BBX: variants seen among roughly 807,000 people sequenced by gnomAD.
BBX encodes the protein BBX high mobility group box domain containing, also known as HMG box transcription factor BBX.
BBX carries 30 observed loss-of-function variants against 100.2 expected under a neutral mutation model. That is an observed-to-expected ratio of 0.30 (90% confidence interval 0.22 to 0.41). BBX has a LOEUF of 0.41. Among genes scored for constraint, BBX ranks in the 10% least tolerant of loss-of-function variants. The pLI is 1.00. For synonymous variants in BBX, 376 were observed against 388.1 expected (o/e 0.97, Z 0.37); for missense variants, 1,023 against 1,129.8 (o/e 0.91, Z 1.35).
intron 2 of BBX, among the ~76,000 whole-genome samples, chr3:107,635,381 G>T (rs1360946044): frequency 1.3e-5 from 2 of 152,140 alleles, no homozygotes; most frequent in Non-Finnish European, 2.9e-5. Context: ...AATGAATTGT[G>T]TGCCACTGTC....
At chr3:107,622,123 A>C (rs534763640) in intron 2 of BBX, among the ~76,000 whole-genome samples, 2 of 152,118 alleles carry the variant, frequency 1.3e-5, no homozygotes, top group African/African-American at 4.8e-5. Context: ...ACCCCTGGCA[A>C]CCCCTGTTCT....
chr3:107,674,974 A>C (rs2059207812), intron 3 of BBX: 1 of 152,226 alleles, frequency 6.6e-6, no homozygotes, highest in Non-Finnish European at 1.5e-5. Flanking sequence ...GATTTAGCTA[A>C]GGCATGCTCC....
chr3:107,680,930 A>C (rs982347301), intron 3 of BBX, among the ~76,000 whole-genome samples: 1 of 152,180 alleles, frequency 6.6e-6, no homozygotes, highest in African/African-American at 2.4e-5. Context: ...CTAAACTTGC[A>C]GAAGTAGTGT....
intron 2 of BBX, among the ~76,000 whole-genome samples, chr3:107,561,619 T>C (rs2050505916): frequency 6.6e-6 from 1 of 152,148 alleles, no homozygotes; most frequent in South Asian, 2.1e-4. Context: ...TGCAGAATAA[T>C]TTTTACTTTA....
chr3:107,677,180 C>T (rs1481337935), intron 3 of BBX, among the ~76,000 whole-genome samples: 1 of 152,062 alleles, frequency 6.6e-6, no homozygotes, highest in Non-Finnish European at 1.5e-5. Flanking sequence ...GGGAAACTTG[C>T]TTTCATAACC....
chr3:107,765,382 A>G (rs1203394600), intron 10 of BBX, among the ~76,000 whole-genome samples: 8 of 152,268 alleles, frequency 5.3e-5, no homozygotes, highest in South Asian at 4.1e-4. Flanking sequence ...GAGCCTGTCT[A>G]TAGTCCTAGA....
rs1376408207 is a variant in BBX at position 107,695,877 on chromosome 3, C to T, written c.-9-14575C>T. Among the ~76,000 whole-genome samples, 11 of 151,782 alleles carry T rather than the reference C, an allele frequency of 7.2e-5. 1 individual carries two copies. Among genetic ancestry groups the T allele is most frequent in the African/African-American group, 2.4e-4 (10 of 41,064 alleles). On this transcript the variant is annotated intron_variant, in intron 3 of 17. Coordinates refer to ENST00000325805, the MANE Select transcript of BBX (RefSeq NM_001142568.3). ...AGGACTTGCTTTATGAAACTGGGTG[C>T]TCCTGTGTTGGGTGCATATATATTT... is the stretch of plus-strand genomic sequence containing the variant.
chr3:107,526,221 C>T, intron 1 of BBX, 106 bp from the exon 2 acceptor site: 1 of 397,656 alleles, frequency 2.5e-6, no homozygotes. Context: ...GGGAGCTGGA[C>T]TCCTGGGTTT....
At chr3:107,715,559 G>A (rs927673998) in intron 4 of BBX, among the ~76,000 whole-genome samples, 2 of 152,170 alleles carry the variant, frequency 1.3e-5, no homozygotes, top group East Asian at 3.8e-4. Flanking sequence ...GTGGACTTCT[G>A]TTTATAGTTA....
chr3:107,758,122 A>C (rs1477349694), intron 10 of BBX, among the ~76,000 whole-genome samples: 3 of 152,202 alleles, frequency 2.0e-5, no homozygotes, highest in African/African-American at 7.2e-5. Context: ...AAGAAGAGAT[A>C]TTAATTCTCA....
At chr3:107,660,292 G>A (rs1421891330) in intron 3 of BBX, among the ~76,000 whole-genome samples, 17 of 151,970 alleles carry the variant, frequency 1.1e-4, no homozygotes, top group Non-Finnish European at 2.9e-5. Flanking sequence ...AAAGATGTAA[G>A]GATTGCAACA....
intron 3 of BBX, among the ~76,000 whole-genome samples, chr3:107,669,490 A>C (rs2058918716): frequency 6.6e-6 from 1 of 152,126 alleles, no homozygotes; most frequent in African/African-American, 2.4e-5. Flanking sequence ...AAAGATGCGG[A>C]ATACCAAACT....
At chr3:107,596,596 A>C (rs1236021582) in intron 2 of BBX, among the ~76,000 whole-genome samples, 2 of 152,168 alleles carry the variant, frequency 1.3e-5, no homozygotes, top group African/African-American at 2.4e-5. Flanking sequence ...GATGCAGAGA[A>C]GCAGACCAGA....
intron 10 of BBX, among the ~76,000 whole-genome samples, chr3:107,763,978 T>C (rs1441507439): frequency 6.6e-6 from 1 of 152,156 alleles, no homozygotes; most frequent in African/African-American, 2.4e-5. Context: ...ATAATTAGCA[T>C]TGTTTTTGTT....
chr3:107,635,948 G>C (rs942254065), intron 2 of BBX, among the ~76,000 whole-genome samples: 1 of 152,154 alleles, frequency 6.6e-6, no homozygotes. Flanking sequence ...CTGACCTGGT[G>C]ATCCTCCCGC....
chr3:107,615,214 G>C (rs2055158870), intron 2 of BBX, among the ~76,000 whole-genome samples: 1 of 152,138 alleles, frequency 6.6e-6, no homozygotes, highest in Admixed American at 6.5e-5. Flanking sequence ...AAGAACTTGA[G>C]TTAATGGTGT....
At chr3:107,568,097 T>C (rs2051056829) in intron 2 of BBX, among the ~76,000 whole-genome samples, 1 of 152,082 alleles carries the variant, frequency 6.6e-6, no homozygotes, top group African/African-American at 2.4e-5. Flanking sequence ...CTTTTGTTCT[T>C]TTCCTGAGAG....
At chr3:107,656,428 G>A (rs1318425594) in intron 3 of BBX, among the ~76,000 whole-genome samples, 1 of 152,086 alleles carries the variant, frequency 6.6e-6, no homozygotes, top group Non-Finnish European at 1.5e-5. Context: ...TATGTGTTAG[G>A]TGTTTGTGGT....
chr3:107,704,306 T>G (rs2061260481), intron 3 of BBX, among the ~76,000 whole-genome samples: 1 of 152,224 alleles, frequency 6.6e-6, no homozygotes, highest in African/African-American at 2.4e-5. Context: ...TATAAGCCAA[T>G]AAATACCCTT....
Sources: allele counts gnomAD v4.1 joint callset (sites outside exome capture counted in the v4.1 genomes callset), GRCh38; gene constraint gnomAD v4.1.1; transcripts MANE v1.5; gene names NCBI Gene and HGNC (gene_info 2026-07-23, HGNC 2026-07-21).